Variants in PLCL1 observed in about 807,000 individuals in gnomAD.
PLCL1 encodes phospholipase C like 1 (inactive).
Under a neutral mutation model 84.4 loss-of-function variants are expected in PLCL1, and 41 were observed. The observed-to-expected ratio is 0.49, with a 90% CI of 0.38 to 0.63. The LOEUF (loss-of-function observed/expected upper bound fraction) is 0.63. PLCL1 is among the 30% of genes least tolerant of loss of function. PLCL1 has a pLI of 0.00. For synonymous variants in PLCL1, 490 were observed against 488.3 expected (o/e 1.00, Z -0.05); for missense variants, 1,206 against 1,367.8 (o/e 0.88, Z 1.87).
rs1688220573 is a variant in PLCL1, at chr2:197,899,555, G to T, written c.240+94216G>T. On this transcript the variant is annotated intron_variant, in intron 1 of 5. Coordinates refer to ENST00000428675, the MANE Select transcript of PLCL1 (RefSeq NM_006226.4). ...AGCTAGTATAATCTGATGGGCTATA[G>T]AGTTTTCTAACTATCCATTGCTATT... Among the ~76,000 whole-genome samples the T allele has an allele frequency of 2.6e-5, 4 of 152,088 alleles. No homozygotes were observed. The South Asian group carries it at 8.3e-4, about 32-fold the overall frequency.
At chr2:198,049,967 C>G (rs1312461088) in intron 1 of PLCL1, among the ~76,000 whole-genome samples, 1 of 152,190 alleles carries the variant, frequency 6.6e-6, no homozygotes, top group African/African-American at 2.4e-5. Context: ...CATGGGGCCA[C>G]TGTGTCCTGA....
At chr2:198,066,330 C>T (rs1384312264) in intron 1 of PLCL1, among the ~76,000 whole-genome samples, 2 of 152,154 alleles carry the variant, frequency 1.3e-5, no homozygotes, top group Admixed American at 1.3e-4. Context: ...TCTAGAGCCA[C>T]TTACAAATCT....
At chr2:198,019,460 A>G (rs1691081545) in intron 1 of PLCL1, among the ~76,000 whole-genome samples, 1 of 152,142 alleles carries the variant, frequency 6.6e-6, no homozygotes, top group Non-Finnish European at 1.5e-5. Context: ...GCATGCTCTA[A>G]CCCAATGCAA....
At chr2:197,996,215 T>C (rs1467530947) in intron 1 of PLCL1, among the ~76,000 whole-genome samples, 1 of 152,062 alleles carries the variant, frequency 6.6e-6, no homozygotes, top group Non-Finnish European at 1.5e-5. Context: ...TAGGAAGGCA[T>C]TGGTGCTGCA....
At chr2:198,021,383 G>T (rs961021172) in intron 1 of PLCL1, among the ~76,000 whole-genome samples, 2 of 151,892 alleles carry the variant, frequency 1.3e-5, no homozygotes, top group African/African-American at 4.8e-5. Flanking sequence ...CAGAAGACAA[G>T]AAATAACTAA....
At chr2:197,863,277 TA>T (rs1379061957) in intron 1 of PLCL1, among the ~76,000 whole-genome samples, 1 of 152,132 alleles carries the variant, frequency 6.6e-6, no homozygotes, top group East Asian at 1.9e-4. Context: ...ATGCTGTTTA[TA>T]AAATTCAGTG....
intron 1 of PLCL1, among the ~76,000 whole-genome samples, chr2:197,888,337 TC>T (rs1384449866): frequency 6.6e-6 from 1 of 152,196 alleles, no homozygotes; most frequent in Non-Finnish European, 1.5e-5. Context: ...AAATATTTGT[TC>T]CCAGTTAATT....
At chr2:198,035,113 C>A (rs895647644) in intron 1 of PLCL1, among the ~76,000 whole-genome samples, 2 of 152,112 alleles carry the variant, frequency 1.3e-5, no homozygotes, top group Non-Finnish European at 2.9e-5. Context: ...GTGGGAGACA[C>A]ACCAAGACTA....
At chr2:198,043,116 G>A (rs1691704141) in intron 1 of PLCL1, among the ~76,000 whole-genome samples, 1 of 152,180 alleles carries the variant, frequency 6.6e-6, no homozygotes, top group African/African-American at 2.4e-5. Flanking sequence ...TTCATTGAAG[G>A]AGCTGGGAAT....
intron 1 of PLCL1, among the ~76,000 whole-genome samples, chr2:197,962,730 C>G (rs561573283): frequency 6.6e-6 from 1 of 152,106 alleles, no homozygotes; most frequent in East Asian, 1.9e-4. Context: ...CATCCCCACT[C>G]CCCATTCCCC....
At chr2:198,092,993 A>G (rs1458079324) in intron 3 of PLCL1, among the ~76,000 whole-genome samples, 1 of 152,210 alleles carries the variant, frequency 6.6e-6, no homozygotes, top group South Asian at 2.1e-4. Flanking sequence ...TTGATGATAA[A>G]TTATTAAATC....
intron 1 of PLCL1, among the ~76,000 whole-genome samples, chr2:197,959,076 G>C (rs1432026358): frequency 6.6e-6 from 1 of 152,014 alleles, no homozygotes; most frequent in Non-Finnish European, 1.5e-5. Context: ...ATTTTTGTGT[G>C]TGTGCCCCAA....
chr2:198,049,588 G>A lies in PLCL1; in HGVS notation c.241-34170G>A, dbSNP rs941386439. 2.0e-5 allele frequency among the ~76,000 whole-genome samples: 3 copies of A among 152,180 alleles called. No individual in the cohort carries two copies. The East Asian group carries it at 5.8e-4, about 29-fold the overall frequency. ...TAAATTTTCTTAAGGGGGTTAGGTG[G>A]TGCTGTCCAATACTCCAGGGTGTGG... On this transcript the variant is annotated intron_variant, in intron 1 of 5. Transcript: ENST00000428675.
chr2:197,804,851 A>G lies in PLCL1; in HGVS notation c.-249A>G, dbSNP rs1030801647. 1.0e-5 allele frequency: 4 copies of G among 393,824 alleles called. No individual in the cohort carries two copies. Among genetic ancestry groups the G allele is most frequent in the Non-Finnish European group, 1.8e-5 (4 of 223,672 alleles). 24.4% of individuals were successfully genotyped at this position (393,824 alleles called of 1,614,324 possible). A position where few individuals can be genotyped will look rare whatever the true frequency, so the allele number is the denominator to read the frequency against. On this transcript the variant is annotated 5_prime_UTR_variant, in exon 1 of 6. Coordinates refer to ENST00000428675, the MANE Select transcript of PLCL1 (RefSeq NM_006226.4). ...TGCCTCCCGCTCACATCGCCTCCCCACTCCCGCCACCGTCCCCCGCCGGAC... is the reference window on the plus strand; with the variant it reads ...TGCCTCCCGCTCACATCGCCTCCCCGCTCCCGCCACCGTCCCCCGCCGGAC...
At chr2:198,102,350 G>A (rs186747163) in intron 4 of PLCL1, among the ~76,000 whole-genome samples, 1 of 152,198 alleles carries the variant, frequency 6.6e-6, no homozygotes, top group Admixed American at 6.5e-5. Context: ...GAAGACCAGA[G>A]ATGTCAGGGT....
At chr2:198,118,822 A>C (rs1559111660) in intron 5 of PLCL1, among the ~76,000 whole-genome samples, 1 of 151,912 alleles carries the variant, frequency 6.6e-6, no homozygotes, top group Non-Finnish European at 1.5e-5. Flanking sequence ...CAGTCTAAGC[A>C]TTTTTCTGTC....
At chr2:198,109,327 C>T (rs1693561663) in intron 5 of PLCL1, among the ~76,000 whole-genome samples, 1 of 151,732 alleles carries the variant, frequency 6.6e-6, no homozygotes, top group South Asian at 2.1e-4. Context: ...CCCTCCAGCC[C>T]TTTTACAGGG....
chr2:197,891,040 G>GTT (rs1000591485), intron 1 of PLCL1, among the ~76,000 whole-genome samples: 1 of 143,450 alleles, frequency 7.0e-6, no homozygotes. Context: ...TGCTTCAAAA[G>GTT]TTTTTTTTTT....
In PLCL1 at chr2:198,024,068, TA is replaced by T. The variant is rs368930992; in HGVS notation, c.241-59683del. On this transcript the variant is annotated intron_variant, in intron 1 of 5. Transcript: ENST00000428675. ...TACACCATGGAATACTATGCAGCCA[TA>T]AAAAAAGAATGAGTTCATGTCCTTT... is the stretch of plus-strand genomic sequence containing the variant. Among the ~76,000 whole-genome samples, 603 of 152,042 alleles carry T rather than the reference TA, an allele frequency of 4.0e-3. 7 individuals are homozygous for T. The highest frequency in any genetic ancestry group is 0.024 in the East Asian group (126 of 5,164).
Sources: allele counts gnomAD v4.1 joint callset (sites outside exome capture counted in the v4.1 genomes callset), GRCh38; gene constraint gnomAD v4.1.1; transcripts MANE v1.5; gene names NCBI Gene and HGNC (gene_info 2026-07-23, HGNC 2026-07-21).